Variants in ZC3H12C observed in about 807,000 individuals in gnomAD.
The protein encoded by ZC3H12C is probable ribonuclease ZC3H12C.
ZC3H12C carries 20 observed loss-of-function variants against 76.3 expected under a neutral mutation model. The observed-to-expected ratio is 0.26, with a 90% confidence interval of 0.18 to 0.38. The LOEUF (loss-of-function observed/expected upper bound fraction) is 0.38. Among genes scored for constraint, ZC3H12C ranks in the 10% least tolerant of loss-of-function variants. The pLI is 1.00. For synonymous variants in ZC3H12C, 352 were observed against 399.6 expected, an observed-to-expected ratio of 0.88 and a Z score of 1.42; for missense variants, 874 against 1,086.5, an observed-to-expected ratio of 0.80 and a Z score of 2.75.
chr11:110,094,198 C>T lies in ZC3H12C; in HGVS notation c.21+766C>T, dbSNP rs377354510. 6.4e-4 allele frequency among the ~76,000 whole-genome samples: 97 copies of T among 152,292 alleles called. 1 individual carries two copies. The highest frequency in any genetic ancestry group is 2.2e-3 in the African/African-American group (92 of 41,568). ...TCTGGGGTTCTTGCCATTTGGTTATCCGTTAACAATCTCGGTTTGTGTTCG... is the reference window on the plus strand; with the variant it reads ...TCTGGGGTTCTTGCCATTTGGTTATTCGTTAACAATCTCGGTTTGTGTTCG... On this transcript the variant is annotated intron_variant, in intron 1 of 5. Coordinates refer to ENST00000278590, the MANE Select transcript of ZC3H12C (RefSeq NM_033390.2).
At chr11:110,117,888 T>A (rs1423288397) in intron 1 of ZC3H12C, among the ~76,000 whole-genome samples, 2 of 82,862 alleles carry the variant, frequency 2.4e-5, no homozygotes, top group African/African-American at 9.4e-5. Flanking sequence ...ATATATATAT[T>A]ATATATATAC....
At position 110,164,329 on chromosome 11, in the gene ZC3H12C, T is replaced by C; in HGVS notation, c.1256-12T>C. On this transcript the variant is annotated splice_polypyrimidine_tract_variant and intron_variant, in intron 5 of 5. Coordinates refer to ENST00000278590, the MANE Select transcript of ZC3H12C (RefSeq NM_033390.2). This position sits in a 1 kb window ranked among gnomAD's most constrained non-coding sequence, Gnocchi z 5.7. Reference sequence around the variant, plus strand: ...GTATGCTCCTTTGCCTAATTAATTTTACTCTTCTTAGGAAAGAAGTGTACC... The same window carrying C: ...GTATGCTCCTTTGCCTAATTAATTTCACTCTTCTTAGGAAAGAAGTGTACC... The C allele has an allele frequency of 6.3e-7, 1 of 1,580,058 alleles. No homozygotes were observed. The highest frequency in any genetic ancestry group is 8.6e-7 in the Non-Finnish European group (1 of 1,164,192).
At chr11:110,120,133 C>T (rs1484664432) in intron 1 of ZC3H12C, among the ~76,000 whole-genome samples, 1 of 152,120 alleles carries the variant, frequency 6.6e-6, no homozygotes, top group Non-Finnish European at 1.5e-5. Flanking sequence ...AGAGGACTTG[C>T]TTTGTTCTTA....
chr11:110,128,668 T>C (rs973222725), intron 1 of ZC3H12C, among the ~76,000 whole-genome samples: 3 of 152,188 alleles, frequency 2.0e-5, no homozygotes, highest in African/African-American at 4.8e-5. Flanking sequence ...CCTCAGTGTC[T>C]CTTCTACTCA....
Position 110,136,907 on chromosome 11 carries a change from A to G in ZC3H12C, c.266A>G (p.Asp89Gly). 1 of 1,613,752 alleles carries G rather than the reference A, an allele frequency of 6.2e-7. No homozygotes were observed. Among genetic ancestry groups the G allele is most frequent in the Non-Finnish European group, 8.5e-7 (1 of 1,179,798 alleles). Reference protein sequence around the residue: ...EASEENASSGDSEENTNSDHE... With the variant: ...EASEENASSGGSEENTNSDHE... Reference sequence around the variant, plus strand: ...TCTGAAGAGAATGCAAGCTCTGGTGACTCTGAAGAAAACACAAATTCTGAT... The same window carrying G: ...TCTGAAGAGAATGCAAGCTCTGGTGGCTCTGAAGAAAACACAAATTCTGAT... The change falls in exon 2 of 6, where the codon GAC becomes GGC. Residue 89 changes from aspartate to glycine, a missense_variant. By Grantham distance (94) the Asp-to-Gly change is moderately conservative. Coordinates refer to ENST00000278590, the MANE Select transcript of ZC3H12C (RefSeq NM_033390.2).
At chr11:110,124,730 C>T (rs1033774007) in intron 1 of ZC3H12C, among the ~76,000 whole-genome samples, 2 of 152,144 alleles carry the variant, frequency 1.3e-5, no homozygotes, top group African/African-American at 4.8e-5. Flanking sequence ...AATTAGATTA[C>T]AGGGCCAGAG....
chr11:110,135,490 C>CAAAAAAAA, intron 1 of ZC3H12C, among the ~76,000 whole-genome samples: 1 of 95,316 alleles, frequency 1.0e-5, no homozygotes, highest in Non-Finnish European at 1.9e-5. Context: ...ACTCCCGTCT[C>CAAAAAAAA]AAAAAAAAAA....
At position 110,149,151 on chromosome 11, in the gene ZC3H12C, A is replaced by G. The variant is rs1291557426; in HGVS notation, c.774-3768A>G. Reference sequence around the variant, plus strand: ...ATGATTCTGGATCTTGATGCCTGACACAGACTTCCAAGACAACAGCAGCGA... The same window carrying G: ...ATGATTCTGGATCTTGATGCCTGACGCAGACTTCCAAGACAACAGCAGCGA... On this transcript the variant is annotated intron_variant, in intron 2 of 5. Coordinates refer to ENST00000278590, the MANE Select transcript of ZC3H12C (RefSeq NM_033390.2). 3.3e-5 allele frequency among the ~76,000 whole-genome samples: 5 copies of G among 152,324 alleles called. 1 individual carries two copies. Among genetic ancestry groups the G allele is most frequent in the African/African-American group, 7.2e-5 (3 of 41,572 alleles).
At chr11:110,113,891 G>A (rs1400260261) in intron 1 of ZC3H12C, among the ~76,000 whole-genome samples, 1 of 152,058 alleles carries the variant, frequency 6.6e-6, no homozygotes, top group African/African-American at 2.4e-5. Context: ...TCATCTTTGA[G>A]TTTCTTGCCT....
intron 2 of ZC3H12C, among the ~76,000 whole-genome samples, chr11:110,138,852 C>A (rs984457709): frequency 6.6e-6 from 1 of 152,200 alleles, no homozygotes; most frequent in East Asian, 1.9e-4. Context: ...AGCCACCACT[C>A]CTGGCCTGCA....
chr11:110,165,889 A>G lies in ZC3H12C; in HGVS notation c.*152A>G. The G allele has an allele frequency of 4.2e-6, 3 of 709,024 alleles. No homozygotes were observed. The highest frequency in any genetic ancestry group is 6.7e-6 in the Non-Finnish European group (3 of 447,858). 43.9% of individuals were successfully genotyped at this position (709,024 alleles called of 1,614,324 possible). A position where few individuals can be genotyped will look rare whatever the true frequency, so the allele number is the denominator to read the frequency against. On this transcript the variant is annotated 3_prime_UTR_variant, in exon 6 of 6. Coordinates refer to ENST00000278590, the MANE Select transcript of ZC3H12C (RefSeq NM_033390.2). Reference sequence around the variant, plus strand: ...ATACTGTATCATGGAATCTGTATGTATAGCCCCACATGGTGGAAGTATCAC... The same window carrying G: ...ATACTGTATCATGGAATCTGTATGTGTAGCCCCACATGGTGGAAGTATCAC...
rs1188857518 is a variant in ZC3H12C, at chr11:110,170,574, A to G, written c.*4837A>G. 6.6e-6 allele frequency: 1 copy of G among 152,222 alleles called. No individual in the cohort carries two copies. Among genetic ancestry groups the G allele is most frequent in the Admixed American group, 6.5e-5 (1 of 15,282 alleles). The allele number at this position is 152,222 out of a possible 1,614,324, so 9.4% of individuals were successfully genotyped here. On this transcript the variant is annotated 3_prime_UTR_variant, in exon 6 of 6. Coordinates refer to ENST00000278590, the MANE Select transcript of ZC3H12C (RefSeq NM_033390.2). ...CAATGTAACTCTTTATGAGAAATAA[A>G]ATGTATCTCTGCTTTGTCTGTCCAG...
chr11:110,155,912 G>A (rs560851407), intron 3 of ZC3H12C, among the ~76,000 whole-genome samples: 1 of 121,056 alleles, frequency 8.3e-6, no homozygotes, highest in African/African-American at 2.8e-5. Context: ...TGGGGGAAGG[G>A]ATAGAGTAAA....
intron 1 of ZC3H12C, among the ~76,000 whole-genome samples, chr11:110,115,626 G>T (rs1861512010): frequency 6.6e-6 from 1 of 151,508 alleles, no homozygotes; most frequent in Non-Finnish European, 1.5e-5. Context: ...CATAGGATGG[G>T]GTCTTGCTAT....
chr11:110,147,259 G>C (rs890393387), intron 2 of ZC3H12C, among the ~76,000 whole-genome samples: 2 of 152,164 alleles, frequency 1.3e-5, no homozygotes, highest in Non-Finnish European at 2.9e-5. Flanking sequence ...CCATCAGCTG[G>C]GGAAAAGGTC....
rs1325708294 is a variant in ZC3H12C, at chr11:110,103,132, G to A, written c.21+9700G>A. Among the ~76,000 whole-genome samples the A allele has an allele frequency of 2.0e-5, 3 of 152,294 alleles. No individual in the cohort carries two copies. The East Asian group carries it at 5.8e-4, about 29-fold the overall frequency. On this transcript the variant is annotated intron_variant, in intron 1 of 5. Transcript: ENST00000278590. Reference sequence around the variant, plus strand: ...AAGGTATGCCTATGGATGAGTAAGAGATGGTTACAATAATACATGCCAAGC... The same window carrying A: ...AAGGTATGCCTATGGATGAGTAAGAAATGGTTACAATAATACATGCCAAGC...
At chr11:110,121,613 A>C (rs953039082) in intron 1 of ZC3H12C, among the ~76,000 whole-genome samples, 2 of 151,158 alleles carry the variant, frequency 1.3e-5, no homozygotes, top group Non-Finnish European at 2.9e-5. Flanking sequence ...TTTTTTTTCT[A>C]GCCTTTTGCA....
Position 110,137,293 on chromosome 11 carries a change from A to G in ZC3H12C, c.652A>G (p.Ile218Val), listed in dbSNP as rs773249610. Residue 218 changes from isoleucine (I) to valine (V), a missense_variant, in exon 2 of 6, where the codon ATA becomes GTA. This residue lies in a region of ZC3H12C where 269 missense variants were observed against 424.9 expected (regional missense o/e 0.63). Transcript: ENST00000278590. ...TCAAACGGTTAGTACAATTAACACT[A>G]TAACACGGGAAACTTCTTCCCTGGA... The part of the protein sequence containing the change: ...ADQTVSTINT[I>V]TRETSSLESQ... 15 of 1,613,978 alleles carry G rather than the reference A, an allele frequency of 9.3e-6. No individual in the cohort carries two copies. In the East Asian group the frequency reaches 1.8e-4, roughly 19 times the overall value.
At chr11:110,139,586 G>A (rs1862032608) in intron 2 of ZC3H12C, among the ~76,000 whole-genome samples, 1 of 152,156 alleles carries the variant, frequency 6.6e-6, no homozygotes, top group African/African-American at 2.4e-5. Flanking sequence ...ATTACCTCTT[G>A]TTTGATCTTT....
Sources: gnomAD v4.1 joint callset for allele counts (sites outside exome capture counted in the v4.1 genomes callset) on GRCh38, gnomAD v4.1.1 for gene constraint, gnomAD v4.1.1 regional missense constraint, Gnocchi (gnomAD v3.1) non-coding constraint, MANE v1.5 for transcripts, NCBI Gene and HGNC (gene_info 2026-07-23, HGNC 2026-07-21) for gene names.